The following GLDC variants were observed in gnomAD, a reference collection of about 807,000 sequenced individuals.
The protein encoded by GLDC is glycine dehydrogenase (decarboxylating), mitochondrial.
Under a neutral mutation model 121.3 loss-of-function variants are expected in GLDC, and 104 were observed. That is an observed-to-expected ratio of 0.86 (90% CI 0.73 to 1.01). GLDC has a LOEUF of 1.01. Among genes scored for constraint, GLDC ranks in the 50% least tolerant of loss-of-function variants. The pLI is 0.00. For missense variants in GLDC, 1,429 were observed against 1,306.6 expected (o/e 1.09, Z -1.44); for synonymous variants, 546 against 480.6 (o/e 1.14, Z -1.78).
rs992373079 is a variant in GLDC at position 6,553,461 on chromosome 9, T to C, written c.2364A>G (p.Leu788=). Residue 788 remains leucine (L), a synonymous_variant, in exon 20 of 25, where the codon CTA becomes CTG. Coordinates refer to ENST00000321612, the MANE Select transcript of GLDC (RefSeq NM_000170.3). ...PFLPNHPVIS[L]KRNEDACPVG... is the part of the protein sequence containing the mutation. ...CAGGACAGGCATCCTCATTCCGCTTTAGTGAAATGACGGGATGATTGGGCA... is the reference window on the plus strand; with the variant it reads ...CAGGACAGGCATCCTCATTCCGCTTCAGTGAAATGACGGGATGATTGGGCA... 1 of 1,613,846 alleles carries C rather than the reference T, an allele frequency of 6.2e-7. No homozygotes were observed. Among genetic ancestry groups the C allele is most frequent in the Non-Finnish European group, 8.5e-7 (1 of 1,179,770 alleles).
intron 21 of GLDC, among the ~76,000 whole-genome samples, chr9:6,547,627 C>T (rs1817423663): frequency 6.6e-6 from 1 of 152,112 alleles, no homozygotes; most frequent in South Asian, 2.1e-4. Context: ...TGACTCTCTC[C>T]TAAGGAAATT....
chr9:6,631,088 C>T (rs750810533), intron 2 of GLDC, among the ~76,000 whole-genome samples: 7 of 152,194 alleles, frequency 4.6e-5, no homozygotes, highest in Non-Finnish European at 7.3e-5. Context: ...AGCTGTGCCA[C>T]GTGTAAGGAT....
chr9:6,544,726 A>C (rs1400892431), intron 21 of GLDC, among the ~76,000 whole-genome samples: 1 of 134,544 alleles, frequency 7.4e-6, no homozygotes, highest in Non-Finnish European at 1.5e-5. Flanking sequence ...ATCTCCTCCT[A>C]CTAATGGGAA....
chr9:6,577,644 A>G (rs1015246776), intron 15 of GLDC, among the ~76,000 whole-genome samples: 3 of 152,236 alleles, frequency 2.0e-5, no homozygotes, highest in African/African-American at 7.2e-5. Flanking sequence ...TCTACCACCT[A>G]GAGACAACTG....
At chr9:6,560,605 C>A (rs985451877) in intron 16 of GLDC, among the ~76,000 whole-genome samples, 4 of 152,078 alleles carry the variant, frequency 2.6e-5, no homozygotes, top group African/African-American at 9.7e-5. Flanking sequence ...CCCTTCAGGG[C>A]AGAATATTGA....
chr9:6,573,734 A>T (rs1229381905), intron 15 of GLDC, among the ~76,000 whole-genome samples: 1 of 152,180 alleles, frequency 6.6e-6, no homozygotes, highest in Non-Finnish European at 1.5e-5. Flanking sequence ...AGAAACCGAT[A>T]CGGTAAAAAT....
chr9:6,595,485 T>A (rs1287806427), intron 8 of GLDC, among the ~76,000 whole-genome samples: 4 of 152,136 alleles, frequency 2.6e-5, no homozygotes, highest in Non-Finnish European at 5.9e-5. Flanking sequence ...GGAGAAAAAG[T>A]GAGATCTGAG....
intron 2 of GLDC, among the ~76,000 whole-genome samples, chr9:6,634,484 G>A (rs986285534): frequency 6.6e-6 from 1 of 151,870 alleles, no homozygotes; most frequent in African/African-American, 2.4e-5. Context: ...AACTGAGATC[G>A]CACCACCGCA....
chr9:6,616,428 G>A (rs749932070), intron 3 of GLDC, among the ~76,000 whole-genome samples: 1 of 152,124 alleles, frequency 6.6e-6, no homozygotes, highest in Non-Finnish European at 1.5e-5. Flanking sequence ...CCTTTTACAT[G>A]TAAACTTCTT....
chr9:6,591,372 T>C (rs1295101307), intron 11 of GLDC, among the ~76,000 whole-genome samples: 1 of 152,166 alleles, frequency 6.6e-6, no homozygotes, highest in Non-Finnish European at 1.5e-5. Flanking sequence ...TGGATTCTAA[T>C]CTTAAGCTTG....
At chr9:6,599,689 C>G (rs549647798) in intron 8 of GLDC, among the ~76,000 whole-genome samples, 9 of 149,744 alleles carry the variant, frequency 6.0e-5, no homozygotes, top group African/African-American at 2.0e-4. Flanking sequence ...CCGCTGCATG[C>G]CAGCCTGGGT....
At chr9:6,582,816 G>C (rs1346472804) in intron 15 of GLDC, among the ~76,000 whole-genome samples, 1 of 148,792 alleles carries the variant, frequency 6.7e-6, no homozygotes, top group Admixed American at 6.7e-5. Context: ...GCGACAGAGC[G>C]AGACCTCGTC....
chr9:6,579,502 C>T (rs899746687), intron 15 of GLDC, among the ~76,000 whole-genome samples: 1 of 149,946 alleles, frequency 6.7e-6, no homozygotes, highest in African/African-American at 2.5e-5. Context: ...CAAGAGTATC[C>T]CATCCTGATT....
intron 2 of GLDC, among the ~76,000 whole-genome samples, chr9:6,620,960 G>A (rs531685824): frequency 1.3e-5 from 2 of 152,288 alleles, no homozygotes; most frequent in South Asian, 2.1e-4. Context: ...CTGAGGTCAG[G>A]AGTTCAAGAC....
chr9:6,627,058 G>A (rs1202317255), intron 2 of GLDC, among the ~76,000 whole-genome samples: 2 of 152,132 alleles, frequency 1.3e-5, no homozygotes, highest in Non-Finnish European at 2.9e-5. Flanking sequence ...CACTTTGGGA[G>A]GCTGAGGCGG....
At chr9:6,601,040 G>T (rs911464108) in intron 8 of GLDC, among the ~76,000 whole-genome samples, 1 of 152,180 alleles carries the variant, frequency 6.6e-6, no homozygotes, top group African/African-American at 2.4e-5. Flanking sequence ...TGGCGCTGTG[G>T]CAGGCGCCTG....
chr9:6,621,333 T>C (rs547942639), intron 2 of GLDC, among the ~76,000 whole-genome samples: 200 of 152,328 alleles, frequency 1.3e-3, no homozygotes, highest in African/African-American at 4.7e-3. Flanking sequence ...TTGACATTTA[T>C]TGAACATTAT....
At chr9:6,538,358 A>G (rs1283592742) in intron 22 of GLDC, among the ~76,000 whole-genome samples, 1 of 152,248 alleles carries the variant, frequency 6.6e-6, no homozygotes, top group Non-Finnish European at 1.5e-5. Flanking sequence ...ATTAGCCTGG[A>G]ACTGCTGGGT....
At chr9:6,577,361 G>T (rs1818084618) in intron 15 of GLDC, among the ~76,000 whole-genome samples, 1 of 152,240 alleles carries the variant, frequency 6.6e-6, no homozygotes, top group South Asian at 2.1e-4. Context: ...TAGGGCAGAT[G>T]GAGGTGGTTA....
Sources: gnomAD v4.1 joint callset for allele counts (sites outside exome capture counted in the v4.1 genomes callset) on GRCh38, gnomAD v4.1.1 for gene constraint, MANE v1.5 for transcripts, NCBI Gene and HGNC (gene_info 2026-07-23, HGNC 2026-07-21) for gene names.